Variants in RFC1 observed in about 807,000 individuals in gnomAD.
RFC1 encodes A1 140 kDa subunit.
RFC1 carries 37 observed loss-of-function variants against 137.4 expected under a neutral mutation model. The ratio of observed to expected loss-of-function variants is 0.27; its 90% CI spans 0.21 to 0.35. RFC1 has a LOEUF of 0.35. RFC1 is among the 10% of genes least tolerant of loss of function. RFC1 has a pLI of 1.00. For missense variants in RFC1, 1,205 were observed against 1,358.5 expected (o/e 0.89, Z 1.78); for synonymous variants, 429 against 455.7 (o/e 0.94, Z 0.75).
At chr4:39,320,724 C>A in intron 8 of RFC1, 55 bp from the exon 9 acceptor site, 1 of 1,478,874 alleles carries the variant, frequency 6.8e-7, no homozygotes, top group South Asian at 1.4e-5. Flanking sequence ...TAATCTATAT[C>A]AACTTTTCTT....
chr4:39,316,057 C>T (rs1284570600), intron 10 of RFC1, among the ~76,000 whole-genome samples: 1 of 152,072 alleles, frequency 6.6e-6, no homozygotes, highest in South Asian at 2.1e-4. Flanking sequence ...ATGGAGAAAC[C>T]CCATCTCTAC....
Position 39,335,762 on chromosome 4 carries a change from C to T in RFC1, c.331+6583G>A, listed in dbSNP as rs190615735. On this transcript the variant is annotated intron_variant, in intron 4 of 24. Transcript: ENST00000349703. ...AGAGTTAAGGGAGTGATTCTGCAATCGATGCAATTTCCCCACTGCCATTCA... is the reference window on the plus strand; with the variant it reads ...AGAGTTAAGGGAGTGATTCTGCAATTGATGCAATTTCCCCACTGCCATTCA... 2.6e-5 allele frequency among the ~76,000 whole-genome samples: 4 copies of T among 152,270 alleles called. No homozygotes were observed. In the East Asian group the frequency reaches 7.7e-4, roughly 29 times the overall value.
At chr4:39,346,019 G>T (rs1024240913) in intron 2 of RFC1, among the ~76,000 whole-genome samples, 2 of 152,100 alleles carry the variant, frequency 1.3e-5, no homozygotes, top group Non-Finnish European at 2.9e-5. Flanking sequence ...TACAGAAAAC[G>T]CTATATTATT....
At position 39,300,280 on chromosome 4, in the gene RFC1, G is replaced by T. The variant is rs142870671; in HGVS notation, c.2670C>A (p.His890Gln). 1 of 1,614,116 alleles carries T rather than the reference G, an allele frequency of 6.2e-7. No individual in the cohort carries two copies. The highest frequency in any genetic ancestry group is 8.5e-7 in the Non-Finnish European group (1 of 1,180,000). ...CTCACCCTGCTGCTACAGGCTTCACGTGTATGTAATTTTCCTGGACGAAGA... is the reference window on the plus strand; with the variant it reads ...CTCACCCTGCTGCTACAGGCTTCACTTGTATGTAATTTTCCTGGACGAAGA... ...APLFVQENYIHVKPVAAGGDM... is the reference protein window; with the variant it reads ...APLFVQENYIQVKPVAAGGDM... The change falls in exon 20 of 25, where the codon CAC (histidine) becomes CAA (glutamine). Residue 890 changes from histidine (H) to glutamine (Q), a missense_variant. By Grantham distance (24) the His-to-Gln change is conservative. Transcript: ENST00000349703.
At chr4:39,357,693 T>G (rs541063038) in intron 1 of RFC1, among the ~76,000 whole-genome samples, 31 of 151,890 alleles carry the variant, frequency 2.0e-4, no homozygotes, top group Admixed American at 4.6e-4. Flanking sequence ...TTCAGCTCAC[T>G]GCAACCTCCA....
intron 14 of RFC1, among the ~76,000 whole-genome samples, chr4:39,306,241 T>C (rs1738646693): frequency 6.6e-6 from 1 of 152,238 alleles, no homozygotes; most frequent in Admixed American, 6.5e-5. Flanking sequence ...ACAGTACAGA[T>C]AATTATTCAG....
Position 39,290,042 on chromosome 4 carries a change from A to G in RFC1, c.3169-3T>C, listed in dbSNP as rs758862342. 1.9e-6 allele frequency: 3 copies of G among 1,601,590 alleles called. No individual in the cohort carries two copies. Among genetic ancestry groups the G allele is most frequent in the East Asian group, 2.2e-5 (1 of 44,812 alleles). On this transcript the variant is annotated splice_polypyrimidine_tract_variant and splice_region_variant and intron_variant, in intron 23 of 24. Transcript: ENST00000349703. ...GCTCTTGTGAAGGCTGCTTTCACCTATATGAAAGGAGTAGATGGAGTTTTT... is the reference window on the plus strand; with the variant it reads ...GCTCTTGTGAAGGCTGCTTTCACCTGTATGAAAGGAGTAGATGGAGTTTTT...
chr4:39,348,441 AAAG>A (rs139023939), intron 2 of RFC1, among the ~76,000 whole-genome samples: 8 of 122,800 alleles, frequency 6.5e-5, no homozygotes, highest in East Asian at 2.3e-4. Flanking sequence ...AAAGAAAAGA[AAAG>A]AAAAGAAAAG....
rs143555371 is a variant in RFC1, at chr4:39,348,278, C to G, written c.133-2802G>C. ...CTCTAGGAAAAATACAAAAAATTAG[C>G]TGGACATGGTGGCACGCGACTATAG... is the stretch of plus-strand genomic sequence containing the variant. On this transcript the variant is annotated intron_variant, in intron 2 of 24. Coordinates refer to ENST00000349703, the MANE Select transcript of RFC1 (RefSeq NM_002913.5). Among the ~76,000 whole-genome samples, 612 of 150,788 alleles carry G rather than the reference C, an allele frequency of 4.1e-3. 5 individuals carry two copies. The highest frequency in any genetic ancestry group is 0.014 in the African/African-American group (577 of 41,122).
intron 16 of RFC1, 40 bp downstream of exon 16, chr4:39,303,012 ATCTAAATT>A: frequency 6.6e-7 from 1 of 1,513,250 alleles, no homozygotes; most frequent in Non-Finnish European, 9.2e-7. Flanking sequence ...TGTTCTAACA[ATCTAAATT>A]ATCAACAGTG....
chr4:39,330,499 A>T (rs1407533128), intron 4 of RFC1, among the ~76,000 whole-genome samples: 2 of 151,970 alleles, frequency 1.3e-5, no homozygotes. Flanking sequence ...GCCTCCAAAA[A>T]CCACAGATAT....
intron 4 of RFC1, among the ~76,000 whole-genome samples, chr4:39,339,587 ATTGT>A (rs1278946672): frequency 1.2e-4 from 18 of 152,032 alleles, no homozygotes; most frequent in Middle Eastern, 3.4e-3. Flanking sequence ...TTTAAATTTG[ATTGT>A]TTGTTTTTCT....
chr4:39,360,195 A>G (rs1439835720), intron 1 of RFC1, among the ~76,000 whole-genome samples: 2 of 151,884 alleles, frequency 1.3e-5, no homozygotes, highest in Non-Finnish European at 2.9e-5. Context: ...GTGAAACCCC[A>G]TCACTACTAA....
chr4:39,330,528 C>T (rs550996025), intron 4 of RFC1, among the ~76,000 whole-genome samples: 1 of 152,098 alleles, frequency 6.6e-6, no homozygotes, highest in Non-Finnish European at 1.5e-5. Context: ...GATGGCTCCA[C>T]ACTCTTGACC....
chr4:39,316,960 T>C lies in RFC1; in HGVS notation c.1158A>G (p.Leu386=). 2 of 1,614,154 alleles carry C rather than the reference T, an allele frequency of 1.2e-6. No homozygotes were observed. Among genetic ancestry groups the C allele is most frequent in the East Asian group, 4.5e-5 (2 of 44,880 alleles). Reference sequence around the variant, plus strand: ...CCAGAGCCTTGGGACCTTCTCGATTTAAGTAGCTTCGATAAGCTTGATAAT... The same window carrying C: ...CCAGAGCCTTGGGACCTTCTCGATTCAAGTAGCTTCGATAAGCTTGATAAT... The part of the protein sequence containing the change: ...RTNYQAYRSY[L]NREGPKALGS... Residue 386 remains leucine (L), a synonymous_variant, in exon 10 of 25, where the codon TTA becomes TTG. Transcript: ENST00000349703.
intron 7 of RFC1, chr4:39,322,393 G>A (rs1470202450): frequency 6.6e-6 from 1 of 151,746 alleles, no homozygotes; most frequent in East Asian, 1.9e-4. Context: ...GGGTGACAAA[G>A]TGAGACCTCG....
intron 4 of RFC1, among the ~76,000 whole-genome samples, chr4:39,339,340 T>C (rs933809044): frequency 7.2e-5 from 11 of 152,162 alleles, no homozygotes; most frequent in Admixed American, 2.0e-4. Context: ...CCAAAATGGC[T>C]GCACCAATCT....
At position 39,287,973 on chromosome 4, in the gene RFC1, A is replaced by G. The variant is rs779389583; in HGVS notation, c.*788T>C. 2.0e-5 allele frequency: 3 copies of G among 152,246 alleles called. No homozygotes were observed. The highest frequency in any genetic ancestry group is 2.4e-5 in the African/African-American group (1 of 41,456). The allele number at this position is 152,246 out of a possible 1,614,324, so 9.4% of individuals were successfully genotyped here. Reference sequence around the variant, plus strand: ...GCAGCCCCCCACGCTGCAAAGCCCCATAACAGACCACTGCATGAAATCCTA... The same window carrying G: ...GCAGCCCCCCACGCTGCAAAGCCCCGTAACAGACCACTGCATGAAATCCTA... On this transcript the variant is annotated 3_prime_UTR_variant, in exon 25 of 25. Coordinates refer to ENST00000349703, the MANE Select transcript of RFC1 (RefSeq NM_002913.5).
intron 1 of RFC1, among the ~76,000 whole-genome samples, chr4:39,363,882 C>CCTTGCCT (rs1741880952): frequency 9.7e-6 from 1 of 103,072 alleles, no homozygotes. Context: ...AACAGCAAGA[C>CCTTGCCT]TCTCAAAAAA....
Sources: gnomAD v4.1 joint callset for allele counts (sites outside exome capture counted in the v4.1 genomes callset) on GRCh38, gnomAD v4.1.1 for gene constraint, MANE v1.5 for transcripts, NCBI Gene and HGNC (gene_info 2026-07-23, HGNC 2026-07-21) for gene names.